FLI1: variants seen among roughly 807,000 people sequenced by gnomAD.
FLI1 encodes Fli-1 proto-oncogene, ETS transcription factor.
In FLI1, 13 loss-of-function variants were observed where a neutral mutation model predicts 53.1. The ratio of observed to expected loss-of-function variants is 0.24; its 90% CI spans 0.16 to 0.39. The LOEUF (loss-of-function observed/expected upper bound fraction) is 0.39. FLI1 is among the 10% of genes least tolerant of loss of function. FLI1 has a pLI of 1.00. For synonymous variants in FLI1, 244 were observed against 236.7 expected, an observed-to-expected ratio of 1.03 and a Z score of -0.28; for missense variants, 424 against 600.5, an observed-to-expected ratio of 0.71 and a Z score of 3.07.
chr11:128,742,674 T>C (rs893099215), intron 1 of FLI1, among the ~76,000 whole-genome samples: 5 of 152,282 alleles, frequency 3.3e-5, no homozygotes, highest in African/African-American at 1.2e-4. Flanking sequence ...GTGCAGATTT[T>C]AGAACAGTGC....
intron 5 of FLI1, among the ~76,000 whole-genome samples, chr11:128,791,958 G>A (rs672052): frequency 0.39 from 59,682 of 152,046 alleles, 12,858 homozygotes; most frequent in African/African-American, 0.6. Flanking sequence ...TGCAGGGAGA[G>A]TGTACCTTCT....
intron 1 of FLI1, among the ~76,000 whole-genome samples, chr11:128,705,911 T>TC (rs1309578071): frequency 6.6e-6 from 1 of 152,160 alleles, no homozygotes; most frequent in Non-Finnish European, 1.5e-5. Context: ...GCTTTTTTTT[T>TC]CCCCACAGCA....
chr11:128,784,088 C>T (rs935628693), intron 5 of FLI1, among the ~76,000 whole-genome samples: 1 of 152,210 alleles, frequency 6.6e-6, no homozygotes, highest in Non-Finnish European at 1.5e-5. Context: ...CAGGCTACAA[C>T]CTGCTACCAA....
intron 2 of FLI1, among the ~76,000 whole-genome samples, chr11:128,762,902 G>C (rs1255941644): frequency 6.6e-6 from 1 of 151,852 alleles, no homozygotes; most frequent in Non-Finnish European, 1.5e-5. Flanking sequence ...GTTGCTGTGA[G>C]CCGAGATCAT....
intron 1 of FLI1, among the ~76,000 whole-genome samples, chr11:128,754,402 A>G (rs971393943): frequency 6.6e-6 from 1 of 152,196 alleles, no homozygotes; most frequent in Non-Finnish European, 1.5e-5. Context: ...ACCTTACACA[A>G]TGGCAAAGAT....
chr11:128,812,055 A>G lies in FLI1; in HGVS notation c.*1067A>G, dbSNP rs186058867. 50 of 206,128 alleles carry G rather than the reference A, an allele frequency of 2.4e-4. 1 individual carries two copies. The highest frequency in any genetic ancestry group is 6.0e-5 in the Non-Finnish European group (6 of 100,710). The allele number at this position is 206,128 out of a possible 1,614,324, so 12.8% of individuals were successfully genotyped here. A position where few individuals can be genotyped will look rare whatever the true frequency, so the allele number is the denominator to read the frequency against. ...GGTTTTTAAAAAGCATAATATGCCT[A>G]TAGCTGAAAAGGAAACAGGGCTGTT... On this transcript the variant is annotated 3_prime_UTR_variant, in exon 9 of 9. Transcript: ENST00000527786.
chr11:128,764,759 G>A (rs770971989), intron 2 of FLI1: 3 of 1,589,190 alleles, frequency 1.9e-6, no homozygotes, highest in Non-Finnish European at 2.6e-6. Context: ...TGCGCTGGCT[G>A]GAGGAGGCAC....
intron 1 of FLI1, among the ~76,000 whole-genome samples, chr11:128,754,406 C>CA (rs757997170): frequency 6.6e-6 from 1 of 152,100 alleles, no homozygotes; most frequent in Non-Finnish European, 1.5e-5. Flanking sequence ...TACACAATGG[C>CA]AAAGATAATT....
chr11:128,753,576 C>T (rs1407696329), intron 1 of FLI1, among the ~76,000 whole-genome samples: 2 of 152,228 alleles, frequency 1.3e-5, no homozygotes, highest in Non-Finnish European at 1.5e-5. Flanking sequence ...GCAACATGCT[C>T]ATTTCTGTAA....
intron 1 of FLI1, among the ~76,000 whole-genome samples, chr11:128,714,947 T>A (rs1455939453): frequency 1.3e-5 from 2 of 152,226 alleles, no homozygotes; most frequent in Middle Eastern, 3.4e-3. Flanking sequence ...GACCTCGTCA[T>A]CCGCCAGCCT....
chr11:128,712,012 T>TA (rs1281598386), intron 1 of FLI1, among the ~76,000 whole-genome samples: 2 of 152,240 alleles, frequency 1.3e-5, no homozygotes, highest in Non-Finnish European at 2.9e-5. Flanking sequence ...AGGTTTGTAT[T>TA]CAACACAGTT....
At chr11:128,753,300 T>C (rs1940725672) in intron 1 of FLI1, among the ~76,000 whole-genome samples, 1 of 152,272 alleles carries the variant, frequency 6.6e-6, no homozygotes, top group African/African-American at 2.4e-5. Context: ...CCACGCCTCC[T>C]GTCTTTCTCA....
At chr11:128,775,880 A>G (rs1941713380) in intron 4 of FLI1, among the ~76,000 whole-genome samples, 1 of 152,156 alleles carries the variant, frequency 6.6e-6, no homozygotes, top group Admixed American at 6.5e-5. Flanking sequence ...TGGAGGAAGT[A>G]CTGCAGGGTG....
intron 3 of FLI1, among the ~76,000 whole-genome samples, chr11:128,771,499 G>A (rs1033209419): frequency 3.9e-5 from 6 of 152,238 alleles, no homozygotes; most frequent in African/African-American, 4.8e-5. Context: ...GCTGTGAAGC[G>A]TGAGCCTTGC....
At chr11:128,805,037 C>T (rs554352918) in intron 5 of FLI1, 31 of 240,302 alleles carry the variant, frequency 1.3e-4, no homozygotes, top group South Asian at 1.3e-3. Flanking sequence ...TTTTTATTTC[C>T]GTATTAAAAT....
At chr11:128,777,951 C>T (rs893480645) in intron 4 of FLI1, among the ~76,000 whole-genome samples, 8 of 152,230 alleles carry the variant, frequency 5.3e-5, no homozygotes, top group Admixed American at 2.0e-4. Context: ...CCTCACACTG[C>T]TCACTCCCCT....
chr11:128,694,273 T>C lies in FLI1; in HGVS notation c.15T>C (p.Ile5=). ...GACTTGGCCAAATGGACGGGACTAT[T>C]AAGGTAAGCGGCGGGGCAACGGACG... The part of the protein sequence containing the change: MDGT[I]KEALSVVSDD... Residue 5 remains isoleucine, a synonymous_variant, in exon 1 of 9, where the codon ATT becomes ATC. Coordinates refer to ENST00000527786, the MANE Select transcript of FLI1 (RefSeq NM_002017.5). The C allele has an allele frequency of 7.1e-7, 1 of 1,404,942 alleles. No homozygotes were observed. The highest frequency in any genetic ancestry group is 9.3e-7 in the Non-Finnish European group (1 of 1,069,656). The allele number at this position is 1,404,942 out of a possible 1,614,324, so 87.0% of individuals were successfully genotyped here. A position where few individuals can be genotyped will look rare whatever the true frequency, so the allele number is the denominator to read the frequency against.
chr11:128,725,812 G>C (rs1287138182), intron 1 of FLI1, among the ~76,000 whole-genome samples: 1 of 152,152 alleles, frequency 6.6e-6, no homozygotes, highest in Non-Finnish European at 1.5e-5. Flanking sequence ...TCTAAAAGTG[G>C]CAGTCCGTGC....
upstream of FLI1, among the ~76,000 whole-genome samples, chr11:128,689,874 C>T (rs1234382421): frequency 1.3e-5 from 2 of 152,130 alleles, no homozygotes; most frequent in Non-Finnish European, 2.9e-5. Flanking sequence ...GGCCCTCCCG[C>T]CGCCGCGGCC....
Sources: gnomAD v4.1 joint callset for allele counts (sites outside exome capture counted in the v4.1 genomes callset) on GRCh38, gnomAD v4.1.1 for gene constraint, MANE v1.5 for transcripts, NCBI Gene and HGNC (gene_info 2026-07-23, HGNC 2026-07-21) for gene names.